OSGIN1: variants seen among roughly 807,000 people sequenced by gnomAD.
OSGIN1 encodes the protein oxidative stress induced growth inhibitor 1.
A neutral mutation model predicts 20.1 loss-of-function variants in OSGIN1; 19 were observed. The ratio of observed to expected loss-of-function variants is 0.95; its 90% confidence interval spans 0.66 to 1.39. The LOEUF is 1.39. Ranked by LOEUF, OSGIN1 falls within the 40% of genes most tolerant of loss-of-function variation. The pLI is 0.00. For missense variants in OSGIN1, 820 were observed against 653.0 expected (o/e 1.26, Z -2.79); for synonymous variants, 368 against 297.8 (o/e 1.24, Z -2.43).
rs1480205331 is a variant in OSGIN1, at chr16:83,953,256, C to T, written c.-147C>T. ...TGGCCTCTCAGAGCCTCTTGGATCC[C>T]CACAGGGTAATGGGTGTCCCGATCT... On this transcript the variant is annotated 5_prime_UTR_variant, in exon 1 of 6. Coordinates refer to ENST00000393306, the MANE Select transcript of OSGIN1 (RefSeq NM_182981.3). The T allele has an allele frequency of 7.8e-7, 1 of 1,287,210 alleles. No individual in the cohort carries two copies. The highest frequency in any genetic ancestry group is 5.6e-5 in the East Asian group (1 of 17,994). The allele number at this position is 1,287,210 out of a possible 1,614,324, so 79.7% of individuals were successfully genotyped here. A position where few individuals can be genotyped will look rare whatever the true frequency, so the allele number is the denominator to read the frequency against.
At chr16:83,961,359 G>T in intron 5 of OSGIN1, 1 of 413,510 alleles carries the variant, frequency 2.4e-6, no homozygotes, top group South Asian at 2.5e-5. Context: ...GTGGGGAGGG[G>T]GCTTCCAGGT....
chr16:83,964,595 A>G (rs552498430), intron 5 of OSGIN1, among the ~76,000 whole-genome samples: 12 of 152,276 alleles, frequency 7.9e-5, no homozygotes, highest in African/African-American at 2.9e-4. Flanking sequence ...GGTGACAATC[A>G]TGGTGGCCTA....
chr16:83,954,949 G>A (rs540512798), intron 1 of OSGIN1, among the ~76,000 whole-genome samples: 3 of 152,338 alleles, frequency 2.0e-5, no homozygotes, highest in African/African-American at 7.2e-5. Context: ...CACTCGTTTG[G>A]TGAAGGGGCT....
chr16:83,965,699 G>A lies in OSGIN1; in HGVS notation c.1126G>A (p.Val376Met), dbSNP rs559315422. The A allele has an allele frequency of 1.3e-5, 21 of 1,613,674 alleles. No individual in the cohort carries two copies. The highest frequency in any genetic ancestry group is 8.0e-5 in the African/African-American group (6 of 75,058). Residue 376 changes from valine to methionine, a missense_variant, in exon 6 of 6, where the codon GTG (valine) becomes ATG (methionine). Physicochemically the swap from Val to Met is conservative, Grantham distance 21. Coordinates refer to ENST00000393306, the MANE Select transcript of OSGIN1 (RefSeq NM_182981.3). ...GTGCTTCAAGGAAGACTGCCAGGCCGTGTTCCAGGACCTCGAGGGTGTCGA... is the reference window on the plus strand; with the variant it reads ...GTGCTTCAAGGAAGACTGCCAGGCCATGTTCCAGGACCTCGAGGGTGTCGA... Reference protein sequence around the residue: ...LLCFKEDCQAVFQDLEGVEKV... With the variant: ...LLCFKEDCQAMFQDLEGVEKV...
In OSGIN1 at chr16:83,965,637, A is replaced by T. The variant is rs1015014267; in HGVS notation, c.1064A>T (p.Tyr355Phe). The change falls in exon 6 of 6, where the codon TAT becomes TTT. Residue 355 changes from tyrosine (Y) to phenylalanine (F), a missense_variant. By Grantham distance (22) the Tyr-to-Phe change is conservative (BLOSUM62 3). Coordinates refer to ENST00000393306, the MANE Select transcript of OSGIN1 (RefSeq NM_182981.3). ...REQSILSPSP[Y>F]EGYRSLPRHQ... ...CAGTCCATCCTGTCGCCCAGCCCCT[A>T]TGAGGGTTACCGCAGCCTCCCCAGG... 2.5e-6 allele frequency: 4 copies of T among 1,613,256 alleles called. No individual in the cohort carries two copies. Among genetic ancestry groups the T allele is most frequent in the African/African-American group, 1.3e-5 (1 of 75,030 alleles).
chr16:83,956,807 G>T (rs568069490), intron 1 of OSGIN1, among the ~76,000 whole-genome samples: 2 of 152,322 alleles, frequency 1.3e-5, no homozygotes, highest in Non-Finnish European at 1.5e-5. Flanking sequence ...TGTGGCCCTC[G>T]GGTGAGGCTG....
Position 83,960,968 on chromosome 16 carries a change from C to T in OSGIN1, c.397-13C>T. On this transcript the variant is annotated splice_polypyrimidine_tract_variant and intron_variant, in intron 4 of 5. Transcript: ENST00000393306. ...GAGCAGAGGCCTGGACCAAAGGGTT[C>T]CTTTCCCTGCAGTCCATCGAAGGCT... 3 of 1,611,924 alleles carry T rather than the reference C, an allele frequency of 1.9e-6. No individual in the cohort carries two copies. The highest frequency in any genetic ancestry group is 1.1e-5 in the South Asian group (1 of 91,048).
intron 2 of OSGIN1, 136 bp from the exon 3 acceptor site, chr16:83,959,124 T>C (rs1909078457): frequency 1.5e-6 from 1 of 677,874 alleles, no homozygotes; most frequent in Non-Finnish European, 2.6e-6. Context: ...TGGCACAGGC[T>C]AAGGGCTTAA....
chr16:83,954,346 A>G, intron 1 of OSGIN1: 1 of 152,232 alleles, frequency 6.6e-6, no homozygotes. Context: ...TCGAAGGTGC[A>G]ACTGTTTTCA....
At position 83,953,268 on chromosome 16, in the gene OSGIN1, G is replaced by C; in HGVS notation, c.-135G>C. On this transcript the variant is annotated 5_prime_UTR_variant, in exon 1 of 6. An upstream start codon of the reference 5' UTR is lost. Coordinates refer to ENST00000393306, the MANE Select transcript of OSGIN1 (RefSeq NM_182981.3). ...GCCTCTTGGATCCCCACAGGGTAAT[G>C]GGTGTCCCGATCTCGCGGGGGACTC... 4.7e-6 allele frequency: 6 copies of C among 1,288,494 alleles called. No homozygotes were observed. Among genetic ancestry groups the C allele is most frequent in the Non-Finnish European group, 5.1e-6 (5 of 988,254 alleles). The allele number at this position is 1,288,494 out of a possible 1,614,324, so 79.8% of individuals were successfully genotyped here.
rs201583830 is a variant in OSGIN1, at chr16:83,965,316, C to T, written c.743C>T (p.Thr248Met). 1.3e-4 allele frequency: 204 copies of T among 1,583,608 alleles called. No homozygotes were observed. Among genetic ancestry groups the T allele is most frequent in the Non-Finnish European group, 1.6e-4 (190 of 1,164,348 alleles). The change falls in exon 6 of 6, where the codon ACG (threonine) becomes ATG (methionine). Residue 248 changes from threonine (T) to methionine (M), a missense_variant. Thr to Met is a moderately conservative substitution (Grantham distance 81, BLOSUM62 -1). Coordinates refer to ENST00000393306, the MANE Select transcript of OSGIN1 (RefSeq NM_182981.3). ...CGCAACGTGGTCCTCGCCACAGGCA[C>T]GTTCGACAGCCCGGCCCGGCTGGGC... ...WARNVVLATG[T>M]FDSPARLGIP...
intron 4 of OSGIN1, 61 bp from the exon 5 acceptor site, chr16:83,960,920 T>C: frequency 6.4e-7 from 1 of 1,566,450 alleles, no homozygotes; most frequent in Non-Finnish European, 8.8e-7. Context: ...TCCCATGCCC[T>C]CTAGCCCCAA....
intron 5 of OSGIN1, among the ~76,000 whole-genome samples, chr16:83,962,346 C>T (rs989127116): frequency 1.3e-5 from 2 of 152,222 alleles, no homozygotes; most frequent in Non-Finnish European, 2.9e-5. Context: ...TCAAGCCATT[C>T]TCCTGCCCCA....
chr16:83,965,568 T>C lies in OSGIN1; in HGVS notation c.995T>C (p.Met332Thr), dbSNP rs957351261. 6.2e-7 allele frequency: 1 copy of C among 1,612,950 alleles called. No individual in the cohort carries two copies. The highest frequency in any genetic ancestry group is 8.5e-7 in the Non-Finnish European group (1 of 1,180,014). Residue 332 changes from methionine (M) to threonine (T), a missense_variant, in exon 6 of 6, where the codon ATG (methionine) becomes ACG (threonine). Met to Thr is a moderately conservative substitution (Grantham distance 81). Transcript: ENST00000393306. The part of the protein sequence containing the change: ...PGLVFNQLPK[M>T]LYPEYHKVHQ... ...CTGGTGTTCAACCAGCTGCCCAAGA[T>C]GCTGTACCCCGAGTACCACAAGGTG...
chr16:83,957,889 T>A (rs1420492692), intron 2 of OSGIN1, 151 bp downstream of exon 2: 1 of 367,356 alleles, frequency 2.7e-6, no homozygotes, highest in Non-Finnish European at 4.8e-6. Flanking sequence ...ATTTATTTAT[T>A]TATTTGAGAC....
chr16:83,962,477 G>A (rs1050099615), intron 5 of OSGIN1, among the ~76,000 whole-genome samples: 23 of 152,150 alleles, frequency 1.5e-4, no homozygotes, highest in East Asian at 5.8e-4. Flanking sequence ...TCCTGATCTC[G>A]TGATCCGCCC....
intron 5 of OSGIN1, among the ~76,000 whole-genome samples, chr16:83,963,420 G>A (rs545052141): frequency 8.4e-4 from 125 of 149,130 alleles, no homozygotes; most frequent in African/African-American, 2.9e-3. Context: ...TATGTGCCAG[G>A]CCTTGGGCTT....
At position 83,959,395 on chromosome 16, in the gene OSGIN1, A is replaced by C. The variant is rs765839624; in HGVS notation, c.203A>C (p.Gln68Pro). 3 of 1,613,534 alleles carry C rather than the reference A, an allele frequency of 1.9e-6. No homozygotes were observed. Among genetic ancestry groups the C allele is most frequent in the African/African-American group, 1.3e-5 (1 of 74,930 alleles). ...GCCCCGGGGGTCTCCATCCTGGACC[A>C]GGTGGGTCAGCCTGGGGCCAGAGCT... ...TEAPGVSILD[Q>P]DLDYLSEGLE... The change falls in exon 3 of 6, where the codon CAG becomes CCG. Residue 68 changes from glutamine to proline, a missense_variant and splice_region_variant. Physicochemically the swap from Gln to Pro is moderately conservative, Grantham distance 76. Transcript: ENST00000393306.
chr16:83,958,783 G>A (rs1267692993), intron 2 of OSGIN1, among the ~76,000 whole-genome samples: 4 of 152,088 alleles, frequency 2.6e-5, no homozygotes, highest in Non-Finnish European at 1.5e-5. Flanking sequence ...ACTCAAGTTC[G>A]CCCCCAGGCC....
Sources: gnomAD v4.1 joint callset for allele counts (sites outside exome capture counted in the v4.1 genomes callset) on GRCh38, gnomAD v4.1.1 for gene constraint, MANE v1.5 for transcripts, NCBI Gene and HGNC (gene_info 2026-07-23, HGNC 2026-07-21) for gene names.